ARHGAP32: variants seen among roughly 807,000 people sequenced by gnomAD.
ARHGAP32 encodes rho GTPase-activating protein 32.
ARHGAP32 carries 51 observed loss-of-function variants against 186.5 expected under a neutral mutation model. The observed-to-expected ratio is 0.27, with a 90% CI of 0.22 to 0.35. ARHGAP32 has a LOEUF of 0.35. Among genes scored for constraint, ARHGAP32 ranks in the 10% least tolerant of loss-of-function variants. The pLI is 1.00. For synonymous variants in ARHGAP32, 950 were observed against 964.3 expected (o/e 0.99, Z 0.27); for missense variants, 2,186 against 2,623.5 (o/e 0.83, Z 3.64).
intron 12 of ARHGAP32, among the ~76,000 whole-genome samples, chr11:128,991,256 T>G (rs1012547262): frequency 1.3e-5 from 2 of 152,174 alleles, no homozygotes; most frequent in Non-Finnish European, 2.9e-5. Flanking sequence ...TTTTCTTATA[T>G]TTTGTGTTCC....
chr11:129,183,861 G>A (rs1366281956), intron 1 of ARHGAP32, among the ~76,000 whole-genome samples: 1 of 152,062 alleles, frequency 6.6e-6, no homozygotes, highest in Non-Finnish European at 1.5e-5. Flanking sequence ...AAACTTCCCA[G>A]TGGACTTCCA....
chr11:128,994,569 T>C (rs1044967789), intron 12 of ARHGAP32, among the ~76,000 whole-genome samples: 7 of 151,976 alleles, frequency 4.6e-5, no homozygotes, highest in Non-Finnish European at 8.8e-5. Flanking sequence ...TCTTCCCTTC[T>C]AGGCTTCCCA....
chr11:129,216,540 G>A (rs1346334427), intron 1 of ARHGAP32, among the ~76,000 whole-genome samples: 1 of 151,788 alleles, frequency 6.6e-6, no homozygotes, highest in Non-Finnish European at 1.5e-5. Flanking sequence ...CAGCATGGTG[G>A]CTGGTGCCTG....
chr11:129,163,318 C>T (rs7936445), intron 2 of ARHGAP32, among the ~76,000 whole-genome samples: 2,966 of 152,076 alleles, frequency 0.02, 53 homozygotes, highest in African/African-American at 0.042. Flanking sequence ...ATGTCCTCTC[C>T]CACAAAAGAA....
At chr11:129,043,026 T>C (rs1939659368) in intron 10 of ARHGAP32, among the ~76,000 whole-genome samples, 1 of 152,158 alleles carries the variant, frequency 6.6e-6, no homozygotes, top group Non-Finnish European at 1.5e-5. Flanking sequence ...TGTAAAAAGG[T>C]GGTTACCAAG....
chr11:128,965,892 T>G lies in ARHGAP32; in HGVS notation c.*3015A>C, dbSNP rs1945212206. ...CCCACTCACGTTAGTTAACAGTCCCTCCTCTCTACAGAATTAGTCCTAGAA... is the reference window on the plus strand; with the variant it reads ...CCCACTCACGTTAGTTAACAGTCCCGCCTCTCTACAGAATTAGTCCTAGAA... On this transcript the variant is annotated 3_prime_UTR_variant, in exon 23 of 23. Transcript: ENST00000682385. 1 of 152,202 alleles carries G rather than the reference T, an allele frequency of 6.6e-6. No individual in the cohort carries two copies. The highest frequency in any genetic ancestry group is 2.4e-5 in the African/African-American group (1 of 41,448). 9.4% of individuals were successfully genotyped at this position (152,202 alleles called of 1,614,324 possible). A position where few individuals can be genotyped will look rare whatever the true frequency, so the allele number is the denominator to read the frequency against.
At chr11:129,258,210 A>C (rs2135704762) in intron 1 of ARHGAP32, among the ~76,000 whole-genome samples, 1 of 152,320 alleles carries the variant, frequency 6.6e-6, no homozygotes, top group South Asian at 2.1e-4. Flanking sequence ...ATTAAAATCT[A>C]AACCAAATTC....
In ARHGAP32 at chr11:128,969,252, G is replaced by A; in HGVS notation, c.5961C>T (p.Leu1987=). The A allele has an allele frequency of 1.9e-6, 3 of 1,614,122 alleles. No individual in the cohort carries two copies. Among genetic ancestry groups the A allele is most frequent in the Non-Finnish European group, 2.5e-6 (3 of 1,179,988 alleles). ...TAGGGGGTGGGACGATTGACTGAGT[G>A]AGGTGTTCTTCCTCCTTGTAGCAGT... ...SRDCYKEEEH[L]TQSIVPPPKP... The change falls in exon 23 of 23, where the codon CTC becomes CTT. Residue 1987 remains leucine, a synonymous_variant. Transcript: ENST00000682385. This position sits in a 1 kb window ranked among gnomAD's most constrained non-coding sequence, Gnocchi z 4.8.
At chr11:129,242,793 G>A (rs997439605) in intron 1 of ARHGAP32, among the ~76,000 whole-genome samples, 1 of 151,776 alleles carries the variant, frequency 6.6e-6, no homozygotes, top group African/African-American at 2.4e-5. Flanking sequence ...TTTCTAGGTA[G>A]TAAGATTTTT....
At chr11:128,988,823 T>A (rs1400665206) in intron 12 of ARHGAP32, among the ~76,000 whole-genome samples, 1 of 152,212 alleles carries the variant, frequency 6.6e-6, no homozygotes, top group Non-Finnish European at 1.5e-5. Context: ...ACAGCTATGC[T>A]GGGGCATGCA....
intron 1 of ARHGAP32, among the ~76,000 whole-genome samples, chr11:129,172,224 A>G (rs546665818): frequency 4.6e-5 from 7 of 152,224 alleles, no homozygotes; most frequent in African/African-American, 1.7e-4. Flanking sequence ...GAGTGGTGAG[A>G]GAGGGCACCC....
In ARHGAP32 at chr11:128,971,012, G is replaced by A. The variant is rs532127460; in HGVS notation, c.4201C>T (p.Arg1401Trp). 25 of 1,613,700 alleles carry A rather than the reference G, an allele frequency of 1.5e-5. No homozygotes were observed. Among genetic ancestry groups the A allele is most frequent in the South Asian group, 9.9e-5 (9 of 91,082 alleles). ...AVQPGLPEKV[R>W]DGARVPLLHL... is the part of the protein sequence containing the mutation. ...AGCAGCGGGACCCGGGCACCGTCCC[G>A]CACTTTCTCAGGCAGGCCTGGCTGG... The change falls in exon 23 of 23, where the codon CGG becomes TGG. Residue 1401 changes from arginine to tryptophan, a missense_variant. By Grantham distance (101) the Arg-to-Trp change is moderately radical. Around this residue, in one of 5 missense-constraint regions of ARHGAP32, gnomAD observed 1,502 missense variants for 1,570.0 expected, o/e 0.96. Coordinates refer to ENST00000682385, the MANE Select transcript of ARHGAP32 (RefSeq NM_001378024.1).
At chr11:128,973,476 T>A (rs1001619875) in intron 21 of ARHGAP32, 44 bp from the exon 22 acceptor site, 3 of 1,592,250 alleles carry the variant, frequency 1.9e-6, no homozygotes, top group Non-Finnish European at 2.6e-6. Context: ...AAAGGTAGCT[T>A]ACGTTATCCT....
At position 129,036,336 on chromosome 11, in the gene ARHGAP32, C is replaced by T. The variant is rs189025487; in HGVS notation, c.1045+4592G>A. Among the ~76,000 whole-genome samples the T allele has an allele frequency of 1.3e-3, 190 of 144,408 alleles. 2 individuals carry two copies. Among genetic ancestry groups the T allele is most frequent in the Middle Eastern group, 3.6e-3 (1 of 274 alleles). 94.7% of individuals were successfully genotyped at this position (144,408 alleles called of 152,430 possible). Reference sequence around the variant, plus strand: ...CGGAGGTTGCAGTGAGCTGAGATCGCGCCATTGCACTCCAGCCTGGGCAAC... The same window carrying T: ...CGGAGGTTGCAGTGAGCTGAGATCGTGCCATTGCACTCCAGCCTGGGCAAC... On this transcript the variant is annotated intron_variant, in intron 11 of 22. Coordinates refer to ENST00000682385, the MANE Select transcript of ARHGAP32 (RefSeq NM_001378024.1).
chr11:129,262,685 C>T (rs1945338845), intron 1 of ARHGAP32, among the ~76,000 whole-genome samples: 1 of 152,092 alleles, frequency 6.6e-6, no homozygotes, highest in Non-Finnish European at 1.5e-5. Flanking sequence ...ACACGGGCCA[C>T]CAGGCCCAGC....
intron 5 of ARHGAP32, among the ~76,000 whole-genome samples, chr11:129,116,516 T>C (rs1942374209): frequency 6.6e-6 from 1 of 152,054 alleles, no homozygotes; most frequent in East Asian, 1.9e-4. Flanking sequence ...TTATTTCTTT[T>C]GAGGAAAACT....
At chr11:129,149,807 GA>G (rs1051766875) in intron 2 of ARHGAP32, among the ~76,000 whole-genome samples, 7 of 145,604 alleles carry the variant, frequency 4.8e-5, no homozygotes, top group East Asian at 2.0e-4. Flanking sequence ...TTTGCCAGAA[GA>G]AAAAAAAAAT....
In ARHGAP32 at chr11:128,970,881, G is replaced by A; in HGVS notation, c.4332C>T (p.Ser1444=). 1 of 1,614,250 alleles carries A rather than the reference G, an allele frequency of 6.2e-7. No individual in the cohort carries two copies. Among genetic ancestry groups the A allele is most frequent in the Non-Finnish European group, 8.5e-7 (1 of 1,180,046 alleles). The change falls in exon 23 of 23, where the codon AGC becomes AGT. Residue 1444 remains serine, a synonymous_variant. Transcript: ENST00000682385. This position sits in a 1 kb window ranked among gnomAD's most constrained non-coding sequence, Gnocchi z 5.8. ...ESKMIAAIHS[S]SADATSSSNY... is the part of the protein sequence containing the mutation. ...TTGAACTGCTGGTGGCATCTGCACTGCTGGAGTGTATGGCAGCAATCATCT... is the reference window on the plus strand; with the variant it reads ...TTGAACTGCTGGTGGCATCTGCACTACTGGAGTGTATGGCAGCAATCATCT...
At chr11:129,228,169 A>G (rs1022762795) in intron 1 of ARHGAP32, among the ~76,000 whole-genome samples, 1 of 152,214 alleles carries the variant, frequency 6.6e-6, no homozygotes, top group African/African-American at 2.4e-5. Context: ...AAATACTTTG[A>G]GACAAATGAA....
Sources: gnomAD v4.1 joint callset for allele counts (sites outside exome capture counted in the v4.1 genomes callset) on GRCh38, gnomAD v4.1.1 for gene constraint, gnomAD v4.1.1 regional missense constraint, Gnocchi (gnomAD v3.1) non-coding constraint, MANE v1.5 for transcripts, NCBI Gene and HGNC (gene_info 2026-07-23, HGNC 2026-07-21) for gene names.